MEGF6: variants seen among roughly 807,000 people sequenced by gnomAD.
MEGF6 encodes the protein multiple EGF like domains 6.
MEGF6 carries 184 observed loss-of-function variants against 207.1 expected under a neutral mutation model. That is an observed-to-expected ratio of 0.89 (90% CI 0.79 to 1.00). The LOEUF is 1.00. Among genes scored for constraint, MEGF6 ranks in the 50% least tolerant of loss-of-function variants. The pLI is 0.00. For synonymous variants in MEGF6, 1,038 were observed against 910.0 expected (o/e 1.14, Z -2.53); for missense variants, 2,282 against 2,202.9 (o/e 1.04, Z -0.72).
intron 34 of MEGF6, 182 bp from the exon 35 acceptor site, chr1:3,492,949 G>A: frequency 1.4e-6 from 1 of 714,130 alleles, no homozygotes; most frequent in Non-Finnish European, 2.2e-6. Flanking sequence ...TCCCTGCCCT[G>A]CCTTCCTCAG....
Position 3,602,549 on chromosome 1 carries a change from C to T in MEGF6, c.183G>A (p.Pro61=), listed in dbSNP as rs761573745. The T allele has an allele frequency of 3.7e-5, 60 of 1,612,168 alleles. No individual in the cohort carries two copies. Among genetic ancestry groups the T allele is most frequent in the Middle Eastern group, 1.6e-4 (1 of 6,076 alleles). The change falls in exon 2 of 37, where the codon CCG becomes CCA. Residue 61 remains proline, a synonymous_variant. Transcript: ENST00000356575. ...CCGTGTGGCTTAAGGCCTGCACGCA[C>T]GGCTGGCGGCGGCCCACCAGGGTCA... ...QELTLVGRRQ[P]CVQALSHTVP... is the part of the protein sequence containing the mutation.
At chr1:3,517,462 T>A (rs1422933763) in intron 5 of MEGF6, among the ~76,000 whole-genome samples, 1 of 152,224 alleles carries the variant, frequency 6.6e-6, no homozygotes, top group Non-Finnish European at 1.5e-5. Flanking sequence ...GCTCCCAAGC[T>A]GTGCGCAGCC....
At chr1:3,529,560 T>C (rs1642078387) in intron 4 of MEGF6, among the ~76,000 whole-genome samples, 2 of 152,220 alleles carry the variant, frequency 1.3e-5, no homozygotes, top group Admixed American at 6.5e-5. Context: ...GATACGAGAC[T>C]ATGGACTTTG....
intron 4 of MEGF6, among the ~76,000 whole-genome samples, chr1:3,534,824 C>T (rs1378248698): frequency 1.3e-5 from 2 of 152,166 alleles, no homozygotes; most frequent in Middle Eastern, 3.2e-3. Flanking sequence ...TAGCCATCAC[C>T]TCCATACCCC....
In MEGF6 at chr1:3,496,687, G is replaced by C; in HGVS notation, c.3710C>G (p.Pro1237Arg). Residue 1237 changes from proline to arginine, a missense_variant, in exon 29 of 37, where the codon CCC (proline) becomes CGC (arginine). By Grantham distance (103) the Pro-to-Arg change is moderately radical. Transcript: ENST00000356575. Reference protein sequence around the residue: ...CDAATGACRCPTGFLGTDCNL... With the variant: ...CDAATGACRCRTGFLGTDCNL... ...GCAGTCCGTCCCGAGGAACCCAGTG[G>C]GGCAGCGGCAGGCCCCCGTGGCCGC... 6.4e-7 allele frequency: 1 copy of C among 1,567,656 alleles called. No individual in the cohort carries two copies. Among genetic ancestry groups the C allele is most frequent in the Non-Finnish European group, 8.6e-7 (1 of 1,156,652 alleles).
At chr1:3,579,963 C>T (rs1275195242) in intron 3 of MEGF6, 34 bp from the exon 4 acceptor site, 3 of 1,448,226 alleles carry the variant, frequency 2.1e-6, no homozygotes, top group Non-Finnish European at 2.8e-6. Context: ...GTGAGAGGGG[C>T]AAGGAGGGGT....
chr1:3,550,318 C>G (rs1412981602), intron 4 of MEGF6, among the ~76,000 whole-genome samples: 2 of 152,192 alleles, frequency 1.3e-5, no homozygotes, highest in African/African-American at 4.8e-5. Flanking sequence ...TGGAGGACGA[C>G]AGCGAGGAGG....
At chr1:3,558,064 T>C (rs536602249) in intron 4 of MEGF6, among the ~76,000 whole-genome samples, 4 of 152,238 alleles carry the variant, frequency 2.6e-5, no homozygotes, top group African/African-American at 9.6e-5. Flanking sequence ...GCCGGGCCGG[T>C]GGTCACGATC....
At chr1:3,500,497 G>C (rs1003417470) in intron 21 of MEGF6, 136 bp downstream of exon 21, 3 of 1,288,332 alleles carry the variant, frequency 2.3e-6, no homozygotes, top group Non-Finnish European at 3.1e-6. Context: ...GCGCACAGGA[G>C]GGGGCGCGGC....
intron 14 of MEGF6, among the ~76,000 whole-genome samples, chr1:3,506,751 C>T (rs1447945485): frequency 6.6e-6 from 1 of 152,166 alleles, no homozygotes; most frequent in Admixed American, 6.5e-5. Flanking sequence ...CTGAAGGTAC[C>T]CCCACAACTA....
At chr1:3,535,998 G>A (rs1040659550) in intron 4 of MEGF6, among the ~76,000 whole-genome samples, 10 of 152,308 alleles carry the variant, frequency 6.6e-5, no homozygotes, top group African/African-American at 2.4e-4. Flanking sequence ...CTCCAAGGGG[G>A]CATCCCTGGG....
At chr1:3,492,052 T>G (rs888274445) in intron 35 of MEGF6, among the ~76,000 whole-genome samples, 5 of 152,150 alleles carry the variant, frequency 3.3e-5, no homozygotes, top group Admixed American at 3.3e-4. Context: ...CACGCACAGG[T>G]GCCTGCTGCC....
chr1:3,595,315 G>A lies in MEGF6; in HGVS notation c.376+23C>T, dbSNP rs111792035. The A allele has an allele frequency of 9.7e-3, 15,171 of 1,558,314 alleles. 96 individuals carry two copies. The highest frequency in any genetic ancestry group is 0.024 in the African/African-American group (1,760 of 73,894). On this transcript the variant is annotated intron_variant, in intron 3 of 36. Coordinates refer to ENST00000356575, the MANE Select transcript of MEGF6 (RefSeq NM_001409.4). ...TCTGGGGTGGAGGTGGAGGGAGGGC[G>A]GGGAGGCGCAGGCGGCACTCACCCG...
intron 13 of MEGF6, among the ~76,000 whole-genome samples, chr1:3,508,244 C>A (rs1461673126): frequency 6.6e-6 from 1 of 152,324 alleles, no homozygotes; most frequent in East Asian, 1.9e-4. Context: ...TCAGCAGACA[C>A]CCCTCACTGT....
Position 3,579,833 on chromosome 1 carries a change from C to A in MEGF6, c.473G>T (p.Cys158Phe). The change falls in exon 4 of 37, where the codon TGT becomes TTT. Residue 158 changes from cysteine to phenylalanine, a missense_variant. Physicochemically the swap from Cys to Phe is radical, Grantham distance 205 (BLOSUM62 -2). Coordinates refer to ENST00000356575, the MANE Select transcript of MEGF6 (RefSeq NM_001409.4). ...HCPPGFQGPR[C>F]QYDVDECRTH... ...CCAGGGGCTCCACTCACCATACTGACAGCGGGGTCCCTGGAAGCCGGGGGG... is the reference window on the plus strand; with the variant it reads ...CCAGGGGCTCCACTCACCATACTGAAAGCGGGGTCCCTGGAAGCCGGGGGG... 6.6e-7 allele frequency: 1 copy of A among 1,522,162 alleles called. No individual in the cohort carries two copies. The highest frequency in any genetic ancestry group is 8.8e-7 in the Non-Finnish European group (1 of 1,141,154). The allele number at this position is 1,522,162 out of a possible 1,614,324, so 94.3% of individuals were successfully genotyped here.
At chr1:3,622,195 G>A in the MEGF6 span, among the ~76,000 whole-genome samples, 8 of 152,096 alleles carry the variant, frequency 5.3e-5, no homozygotes, top group South Asian at 2.1e-4. Flanking sequence ...ATCTCATCTC[G>A]AATTGTAATC....
chr1:3,596,194 G>A (rs1644062153), intron 2 of MEGF6, among the ~76,000 whole-genome samples: 1 of 152,068 alleles, frequency 6.6e-6, no homozygotes, highest in Admixed American at 6.5e-5. Context: ...TTCACAGGCT[G>A]GCTCCTGCTC....
At chr1:3,502,590 C>A (rs1640950435) in intron 17 of MEGF6, among the ~76,000 whole-genome samples, 1 of 152,128 alleles carries the variant, frequency 6.6e-6, no homozygotes, top group Non-Finnish European at 1.5e-5. Context: ...CCTGCTCCAC[C>A]CGGCAGGTGA....
At chr1:3,579,329 C>A (rs1376313391) in intron 4 of MEGF6, among the ~76,000 whole-genome samples, 4 of 152,252 alleles carry the variant, frequency 2.6e-5, no homozygotes, top group Non-Finnish European at 4.4e-5. Context: ...GCATCTCCTT[C>A]GCCACCAGCT....
Sources: allele counts gnomAD v4.1 joint callset (sites outside exome capture counted in the v4.1 genomes callset), GRCh38; gene constraint gnomAD v4.1.1; transcripts MANE v1.5; gene names NCBI Gene and HGNC (gene_info 2026-07-23, HGNC 2026-07-21).